The following VIRMA variants were observed in gnomAD, a reference collection of about 807,000 sequenced individuals.
VIRMA encodes the protein vir like m6A methyltransferase associated, also known as protein virilizer homolog.
Under a neutral mutation model 182.4 loss-of-function variants are expected in VIRMA, and 65 were observed. That is an observed-to-expected ratio of 0.36 (90% CI 0.29 to 0.44). VIRMA has a LOEUF of 0.44. Ranked by LOEUF, VIRMA falls within the 20% of genes least tolerant of loss-of-function variation. The probability of loss-of-function intolerance (pLI) is 1.00; values close to 1 mark genes in which losing one functional copy is unlikely to be tolerated. For synonymous variants in VIRMA, 709 were observed against 743.1 expected, an observed-to-expected ratio of 0.95 and a Z score of 0.75; for missense variants, 1,752 against 2,158.1, an observed-to-expected ratio of 0.81 and a Z score of 3.73.
chr8:94,499,994 A>G (rs916324317), intron 16 of VIRMA, among the ~76,000 whole-genome samples: 2 of 149,172 alleles, frequency 1.3e-5, no homozygotes, highest in African/African-American at 5.0e-5. Flanking sequence ...CAGAGGTTGC[A>G]GCGAGCCGAA....
chr8:94,492,844 C>T (rs765079833), intron 20 of VIRMA, 26 bp from the exon 21 acceptor site: 2 of 1,561,414 alleles, frequency 1.3e-6, no homozygotes, highest in Admixed American at 3.5e-5. Context: ...TGAAACAAAA[C>T]ACATATTAAA....
At chr8:94,505,830 C>G (rs1329698248) in intron 16 of VIRMA, among the ~76,000 whole-genome samples, 3 of 152,024 alleles carry the variant, frequency 2.0e-5, no homozygotes, top group African/African-American at 7.3e-5. Context: ...CCAGCCATTC[C>G]TCTAGAAAAC....
intron 7 of VIRMA, among the ~76,000 whole-genome samples, chr8:94,528,177 A>C (rs1815037899): frequency 6.6e-6 from 1 of 151,554 alleles, no homozygotes; most frequent in East Asian, 1.9e-4. Context: ...GGTTGCAGTG[A>C]AACAAGATCG....
At chr8:94,496,574 T>C in intron 17 of VIRMA, 94 bp from the exon 18 acceptor site, 1 of 994,804 alleles carries the variant, frequency 1.0e-6, no homozygotes, top group Non-Finnish European at 1.5e-6. Context: ...TATGCTGCAA[T>C]CTTTCCTTCA....
chr8:94,534,737 A>G (rs552368673), intron 5 of VIRMA, 102 bp downstream of exon 5: 1 of 1,418,796 alleles, frequency 7.0e-7, no homozygotes, highest in East Asian at 2.3e-5. Context: ...CTCTCAAGAA[A>G]TAAAACAAAA....
intron 11 of VIRMA, among the ~76,000 whole-genome samples, chr8:94,514,087 TCTCA>T (rs1251237288): frequency 6.6e-6 from 1 of 152,088 alleles, no homozygotes; most frequent in Admixed American, 6.5e-5. Flanking sequence ...ACTCTCTCTC[TCTCA>T]CACACACACA....
Position 94,488,691 on chromosome 8 carries a change from T to C in VIRMA, c.*15A>G, listed in dbSNP as rs745653271. ...GAAATGTTCATATACAGTTAAGATG[T>C]TCCCAAAAGGATTTTTATCGTGTAA... is the stretch of plus-strand genomic sequence containing the variant. On this transcript the variant is annotated 3_prime_UTR_variant, in exon 24 of 24. Transcript: ENST00000297591. 1.9e-6 allele frequency: 3 copies of C among 1,613,564 alleles called. No individual in the cohort carries two copies. The African/African-American group carries it at 4.0e-5, about 22-fold the overall frequency.
rs747336779 is a variant in VIRMA, at chr8:94,511,302, C to A, written c.3273G>T (p.Trp1091Cys). 3.1e-6 allele frequency: 5 copies of A among 1,613,746 alleles called. No individual in the cohort carries two copies. Among genetic ancestry groups the A allele is most frequent in the African/African-American group, 1.3e-5 (1 of 74,886 alleles). Reference sequence around the variant, plus strand: ...AAAGAACTTCTTTTAACATTAAAGACCAAGTATTATTGGCCAGAGTCTCTT... The same window carrying A: ...AAAGAACTTCTTTTAACATTAAAGAACAAGTATTATTGGCCAGAGTCTCTT... The part of the protein sequence containing the change: ...ISEETLANNT[W>C]SLMLKEVLSS... The change falls in exon 13 of 24, where the codon TGG becomes TGT. Residue 1091 changes from tryptophan (W) to cysteine (C), a missense_variant. Transcript: ENST00000297591.
Position 94,509,840 on chromosome 8 carries a change from A to C in VIRMA, c.3727T>G (p.Leu1243Val), listed in dbSNP as rs1814302219. 1 of 1,613,818 alleles carries C rather than the reference A, an allele frequency of 6.2e-7. No homozygotes were observed. Among genetic ancestry groups the C allele is most frequent in the South Asian group, 1.1e-5 (1 of 91,074 alleles). Residue 1243 changes from leucine (L) to valine (V), a missense_variant, in exon 15 of 24, where the codon TTG becomes GTG. Leu to Val is a conservative substitution (Grantham distance 32). Coordinates refer to ENST00000297591, the MANE Select transcript of VIRMA (RefSeq NM_015496.5). ...TTAATAGTTCCATTAATTAGATGCA[A>C]AATAGCTAATTTACAAGCTTTGTGT... Reference protein sequence around the residue: ...ASHKACKLAILHLINGTIKGD... With the variant: ...ASHKACKLAIVHLINGTIKGD...
intron 1 of VIRMA, among the ~76,000 whole-genome samples, chr8:94,545,087 C>A (rs1321563074): frequency 2.6e-5 from 4 of 151,892 alleles, no homozygotes; most frequent in Non-Finnish European, 5.9e-5. Context: ...GATATGATCG[C>A]CTCACTGCAC....
chr8:94,542,143 T>C (rs995561467), intron 2 of VIRMA, among the ~76,000 whole-genome samples: 1 of 152,198 alleles, frequency 6.6e-6, no homozygotes, highest in Non-Finnish European at 1.5e-5. Context: ...GTACACCCTA[T>C]GTAGGCCCCT....
At chr8:94,547,167 T>C (rs2130396530) in intron 1 of VIRMA, 2 of 346,362 alleles carry the variant, frequency 5.8e-6, no homozygotes, top group East Asian at 1.5e-4. Flanking sequence ...GACAGACCTA[T>C]GTCTTAGTTT....
chr8:94,539,630 C>G (rs1276282966), intron 2 of VIRMA, among the ~76,000 whole-genome samples: 1 of 152,138 alleles, frequency 6.6e-6, no homozygotes, highest in Admixed American at 6.5e-5. Context: ...CACAAACAGG[C>G]ATCATCATTC....
intron 8 of VIRMA, among the ~76,000 whole-genome samples, chr8:94,521,141 C>A (rs1184042606): frequency 1.3e-5 from 2 of 151,846 alleles, no homozygotes; most frequent in Admixed American, 6.6e-5. Flanking sequence ...CTGCACCTAT[C>A]AACCCATCAC....
In VIRMA at chr8:94,488,973, G is replaced by A. The variant is rs868049412; in HGVS notation, c.5285-113C>T. On this transcript the variant is annotated intron_variant, in intron 23 of 23. Transcript: ENST00000297591. ...AAGAATTACTCTATTCTCTTTTAAA[G>A]CTCACGTGCAAGCACGGTGAATGGG... 5.2e-5 allele frequency: 63 copies of A among 1,214,888 alleles called. 1 individual carries two copies. In the South Asian group the frequency reaches 1.0e-3, roughly 19 times the overall value. The allele number at this position is 1,214,888 out of a possible 1,614,324, so 75.3% of individuals were successfully genotyped here.
intron 10 of VIRMA, among the ~76,000 whole-genome samples, chr8:94,516,440 A>G (rs1264621340): frequency 1.3e-5 from 2 of 152,182 alleles, no homozygotes. Flanking sequence ...GCTATACCAT[A>G]ACTCCTATAT....
rs1193596849 is a variant in VIRMA, at chr8:94,495,818, G to A, written c.4457C>T (p.Ser1486Leu). Reference protein sequence around the residue: ...SVVGLKQMLESSGDPLPLSDQ... With the variant: ...SVVGLKQMLELSGDPLPLSDQ... Reference sequence around the variant, plus strand: ...ACTGAGAGGTAAAGGGTCACCTGATGACTCCAGCATCTGCTTAAGTCCAAC... The same window carrying A: ...ACTGAGAGGTAAAGGGTCACCTGATAACTCCAGCATCTGCTTAAGTCCAAC... Residue 1486 changes from serine to leucine, a missense_variant, in exon 19 of 24, where the codon TCA becomes TTA. Coordinates refer to ENST00000297591, the MANE Select transcript of VIRMA (RefSeq NM_015496.5). 8.1e-6 allele frequency: 13 copies of A among 1,613,586 alleles called. No homozygotes were observed. The highest frequency in any genetic ancestry group is 1.3e-5 in the African/African-American group (1 of 74,908).
In VIRMA at chr8:94,519,261, C is replaced by A. The variant is rs755737605; in HGVS notation, c.2237G>T (p.Gly746Val). The A allele has an allele frequency of 2.5e-6, 4 of 1,614,110 alleles. No homozygotes were observed. Among genetic ancestry groups the A allele is most frequent in the Non-Finnish European group, 3.4e-6 (4 of 1,180,012 alleles). ...CHFYDQDEEEGLQSDGVIDDA... is the reference protein window; with the variant it reads ...CHFYDQDEEEVLQSDGVIDDA... ...ATCAATAACACCATCAGATTGGAGA[C>A]CTTCCTCCTCATCTTGATCATAAAA... The change falls in exon 9 of 24, where the codon GGT (glycine) becomes GTT (valine). Residue 746 changes from glycine to valine, a missense_variant. Physicochemically the swap from Gly to Val is moderately radical, Grantham distance 109 (BLOSUM62 -3). This residue lies in a region of VIRMA where 45 missense variants were observed against 91.0 expected (regional missense o/e 0.49). Coordinates refer to ENST00000297591, the MANE Select transcript of VIRMA (RefSeq NM_015496.5).
At chr8:94,507,921 ATATG>A (rs1349306042) in intron 15 of VIRMA, among the ~76,000 whole-genome samples, 7 of 133,112 alleles carry the variant, frequency 5.3e-5, no homozygotes, top group African/African-American at 1.3e-4. Context: ...GTATGTGTAT[ATATG>A]TATGTACATA....
Sources: gnomAD v4.1 joint callset for allele counts (sites outside exome capture counted in the v4.1 genomes callset) on GRCh38, gnomAD v4.1.1 for gene constraint, gnomAD v4.1.1 regional missense constraint, MANE v1.5 for transcripts, NCBI Gene and HGNC (gene_info 2026-07-23, HGNC 2026-07-21) for gene names.